EYS: variants seen among roughly 807,000 people sequenced by gnomAD.
The protein encoded by EYS is EGF-like photoreceptor maintenance factor.
EYS carries 250 observed loss-of-function variants against 282.1 expected under a neutral mutation model. The ratio of observed to expected loss-of-function variants is 0.89; its 90% CI spans 0.80 to 0.98. The LOEUF (loss-of-function observed/expected upper bound fraction) is 0.98. Among genes scored for constraint, EYS ranks in the 50% least tolerant of loss-of-function variants. EYS has a pLI of 0.00. For missense variants in EYS, 4,016 were observed against 3,709.0 expected (o/e 1.08, Z -2.15); for synonymous variants, 1,355 against 1,282.9 (o/e 1.06, Z -1.20).
chr6:64,335,631 G>T (rs1193755280), intron 29 of EYS, among the ~76,000 whole-genome samples: 1 of 151,878 alleles, frequency 6.6e-6, no homozygotes, highest in African/African-American at 2.4e-5. Context: ...AAATTCTCCC[G>T]AACCTTTTTC....
intron 34 of EYS, among the ~76,000 whole-genome samples, chr6:63,988,393 T>C (rs74559413): frequency 0.013 from 1,946 of 151,686 alleles, 37 homozygotes; most frequent in African/African-American, 0.044. Flanking sequence ...GGAAAGTCTA[T>C]AGAGCTATCA....
chr6:64,604,291 T>C (rs1453743575), intron 24 of EYS, among the ~76,000 whole-genome samples: 1 of 152,056 alleles, frequency 6.6e-6, no homozygotes, highest in Admixed American at 6.6e-5. Flanking sequence ...AACCTAACAA[T>C]GTATGGCCCA....
chr6:64,672,807 G>A (rs564302512), intron 22 of EYS, among the ~76,000 whole-genome samples: 21 of 152,136 alleles, frequency 1.4e-4, no homozygotes, highest in African/African-American at 4.6e-4. Flanking sequence ...TAACTTTTCT[G>A]GTTAAACTTG....
At chr6:64,924,378 G>A (rs1040264936) in intron 15 of EYS, among the ~76,000 whole-genome samples, 20 of 152,128 alleles carry the variant, frequency 1.3e-4, no homozygotes, top group African/African-American at 4.8e-4. Context: ...TTTTGCTCCT[G>A]GGACTCCAGG....
chr6:64,109,272 CCTCA>C (rs1296333826), intron 31 of EYS, among the ~76,000 whole-genome samples: 2 of 152,088 alleles, frequency 1.3e-5, no homozygotes, highest in Admixed American at 1.3e-4. Context: ...TTTTGTTTTT[CCTCA>C]CTCTACTAAT....
intron 41 of EYS, among the ~76,000 whole-genome samples, chr6:63,741,446 C>T (rs1051459013): frequency 1.3e-5 from 2 of 152,148 alleles, no homozygotes; most frequent in African/African-American, 4.8e-5. Flanking sequence ...GTTCTCAAAA[C>T]ACTTAAGGAT....
At chr6:65,611,324 C>T (rs2149795094) in intron 2 of EYS, among the ~76,000 whole-genome samples, 1 of 152,040 alleles carries the variant, frequency 6.6e-6, no homozygotes, top group South Asian at 2.1e-4. Flanking sequence ...AAGCAGCATG[C>T]TTCCAACCAG....
intron 26 of EYS, among the ~76,000 whole-genome samples, chr6:64,521,195 A>G (rs1777722679): frequency 6.6e-6 from 1 of 151,854 alleles, no homozygotes; most frequent in Non-Finnish European, 1.5e-5. Context: ...TACTTGTTAC[A>G]AGAATACACT....
intron 12 of EYS, among the ~76,000 whole-genome samples, chr6:65,202,052 C>T (rs1765915622): frequency 6.6e-6 from 1 of 151,810 alleles, no homozygotes; most frequent in South Asian, 2.1e-4. Flanking sequence ...GCAGAGGTTA[C>T]AGTGAACCAA....
chr6:64,966,621 TATC>T lies in EYS; in HGVS notation c.2260-20710_2260-20708del, dbSNP rs1427789289. Among the ~76,000 whole-genome samples the T allele has an allele frequency of 5.9e-5, 9 of 152,296 alleles. No homozygotes were observed. The South Asian group carries it at 1.9e-3, about 32-fold the overall frequency. Reference sequence around the variant, plus strand: ...TTTCTAGCTTCTAGAACTGCTTTCTTATCATCCTTGGTTTATGCCCACCTTTTC... The same window carrying T: ...TTTCTAGCTTCTAGAACTGCTTTCTTATCCTTGGTTTATGCCCACCTTTTC... On this transcript the variant is annotated intron_variant, in intron 14 of 42. Transcript: ENST00000503581.
chr6:65,083,286 A>G (rs1462069632), intron 12 of EYS, among the ~76,000 whole-genome samples: 6 of 152,064 alleles, frequency 3.9e-5, no homozygotes, highest in Admixed American at 3.3e-4. Context: ...TACTTCATAA[A>G]GGTAAATAAG....
chr6:64,459,944 C>T (rs762464452), intron 26 of EYS, among the ~76,000 whole-genome samples: 1 of 126,812 alleles, frequency 7.9e-6, no homozygotes, highest in Non-Finnish European at 1.7e-5. Flanking sequence ...CAAGTAATAT[C>T]CAGAAAAAAA....
intron 31 of EYS, among the ~76,000 whole-genome samples, chr6:64,157,051 C>G (rs962906597): frequency 7.8e-6 from 1 of 127,950 alleles, no homozygotes; most frequent in Admixed American, 8.3e-5. Context: ...CCCCTCCCCC[C>G]ACCCCACAGC....
intron 19 of EYS, among the ~76,000 whole-genome samples, chr6:64,823,933 G>T (rs1391795468): frequency 2.6e-5 from 4 of 152,014 alleles, no homozygotes; most frequent in Admixed American, 1.3e-4. Context: ...ATAAAGATAA[G>T]TAATAAGCTT....
chr6:63,907,655 C>G (rs1191529319), intron 35 of EYS, among the ~76,000 whole-genome samples: 2 of 151,990 alleles, frequency 1.3e-5, no homozygotes, highest in Non-Finnish European at 2.9e-5. Flanking sequence ...ATTTAAGGGA[C>G]AAAAGTGCAG....
At chr6:65,607,797 C>T (rs913617658) in intron 2 of EYS, among the ~76,000 whole-genome samples, 1 of 151,746 alleles carries the variant, frequency 6.6e-6, no homozygotes, top group Non-Finnish European at 1.5e-5. Flanking sequence ...TTGATATTCA[C>T]AGAAATAAAA....
chr6:63,921,353 G>A (rs1188210474), intron 35 of EYS, among the ~76,000 whole-genome samples: 1 of 152,224 alleles, frequency 6.6e-6, no homozygotes, highest in Non-Finnish European at 1.5e-5. Flanking sequence ...TCCATGTTGT[G>A]CTGTTGATCC....
At chr6:64,073,452 G>C (rs1057301839) in intron 32 of EYS, among the ~76,000 whole-genome samples, 6 of 151,676 alleles carry the variant, frequency 4.0e-5, no homozygotes, top group African/African-American at 1.5e-4. Context: ...GTAGAGAAAA[G>C]CTATGAATAA....
At chr6:64,573,874 C>T (rs1012894423) in intron 26 of EYS, among the ~76,000 whole-genome samples, 3 of 152,102 alleles carry the variant, frequency 2.0e-5, no homozygotes, top group Non-Finnish European at 4.4e-5. Flanking sequence ...GTGGCAATTC[C>T]TCAAGGATCT....
Sources: gnomAD v4.1 joint callset for allele counts (sites outside exome capture counted in the v4.1 genomes callset) on GRCh38, gnomAD v4.1.1 for gene constraint, MANE v1.5 for transcripts, NCBI Gene and HGNC (gene_info 2026-07-23, HGNC 2026-07-21) for gene names.